PRKN: variants seen among roughly 807,000 people sequenced by gnomAD.
The protein encoded by PRKN is E3 ubiquitin-protein ligase parkin.
In PRKN, 56 loss-of-function variants were observed where a neutral mutation model predicts 59.5. The observed-to-expected ratio is 0.94, with a 90% CI of 0.76 to 1.18. PRKN has a LOEUF of 1.18. PRKN is among the 50% of genes most tolerant of loss of function. PRKN has a pLI of 0.00. For missense variants in PRKN, 657 were observed against 596.4 expected, an observed-to-expected ratio of 1.10 and a Z score of -1.06; for synonymous variants, 250 against 222.1, an observed-to-expected ratio of 1.13 and a Z score of -1.12.
At position 161,457,014 on chromosome 6, in the gene PRKN, G is replaced by C. The variant is rs942564863; in HGVS notation, c.1084-70137C>G. Among the ~76,000 whole-genome samples the C allele has an allele frequency of 6.6e-6, 1 of 152,178 alleles. No individual in the cohort carries two copies. Among genetic ancestry groups the C allele is most frequent in the South Asian group, 2.1e-4 (1 of 4,824 alleles). ...AGAGCTGAGTTCAGGACCTGGGTTT[G>C]GGCGTGGAAGGGCGGTGTGAGAGCA... On this transcript the variant is annotated intron_variant, in intron 9 of 11. Coordinates refer to ENST00000366898, the MANE Select transcript of PRKN (RefSeq NM_004562.3). This position sits in a 1 kb window ranked among gnomAD's most constrained non-coding sequence, Gnocchi z 5.0.
chr6:161,856,978 A>ACAGTGGCTCATGCCTGTAATCC (rs141779675), intron 6 of PRKN, among the ~76,000 whole-genome samples: 75,209 of 151,426 alleles, frequency 0.5, 18,950 homozygotes, highest in East Asian at 0.76. Flanking sequence ...TAGTCCTGGC[A>ACAGTGGCTCATGCCTGTAATCC]CAGTACTTTG....
intron 2 of PRKN, among the ~76,000 whole-genome samples, chr6:162,383,065 C>T (rs1016604860): frequency 1.3e-5 from 2 of 152,194 alleles, no homozygotes; most frequent in Non-Finnish European, 2.9e-5. Context: ...GCGATGACTT[C>T]CTGTGCTGAA....
chr6:162,024,933 T>C (rs1783364779), intron 5 of PRKN, among the ~76,000 whole-genome samples: 1 of 152,166 alleles, frequency 6.6e-6, no homozygotes, highest in Admixed American at 6.5e-5. Flanking sequence ...TCTTTTTTTA[T>C]ATTATGAAAC....
intron 4 of PRKN, among the ~76,000 whole-genome samples, chr6:162,054,532 T>G (rs1365118673): frequency 6.6e-6 from 1 of 152,074 alleles, no homozygotes. Context: ...TCATAATAAT[T>G]ATTACTACCA....
At chr6:162,536,721 T>TGAC (rs150565753) in intron 1 of PRKN, among the ~76,000 whole-genome samples, 2,171 of 152,294 alleles carry the variant, frequency 0.014, 56 homozygotes, top group African/African-American at 0.049. Context: ...GCTTGGTCCA[T>TGAC]GACATTCATA....
chr6:162,324,774 A>G (rs1562671378), intron 2 of PRKN, among the ~76,000 whole-genome samples: 2 of 152,178 alleles, frequency 1.3e-5, no homozygotes, highest in Admixed American at 6.5e-5. Context: ...GTGTAAGTGT[A>G]TATGTGTACA....
intron 1 of PRKN, among the ~76,000 whole-genome samples, chr6:162,503,144 T>C (rs566433463): frequency 1.4e-5 from 2 of 147,052 alleles, no homozygotes; most frequent in Non-Finnish European, 3.0e-5. Context: ...TTCTTTTTTT[T>C]TTTTTTTTTT....
chr6:162,033,366 C>G (rs1208567821), intron 5 of PRKN, among the ~76,000 whole-genome samples: 2 of 152,158 alleles, frequency 1.3e-5, no homozygotes, highest in Non-Finnish European at 2.9e-5. Flanking sequence ...GTGTTAAACC[C>G]TTAAATGTGC....
rs1228197409 is a variant in PRKN at position 161,419,927 on chromosome 6, G to A, written c.1084-33050C>T. The stretch of plus-strand genomic sequence containing the variant: ...AAGTTCCTAGCACTGCGCCTGGCAC[G>A]TAAAAGGCACTTGTTTAAGAACTTG... On this transcript the variant is annotated intron_variant, in intron 9 of 11. Coordinates refer to ENST00000366898, the MANE Select transcript of PRKN (RefSeq NM_004562.3). The surrounding 1 kb of genome is among the most constrained non-coding windows in gnomAD (Gnocchi z 4.1). 6.6e-6 allele frequency among the ~76,000 whole-genome samples: 1 copy of A among 151,924 alleles called. No individual in the cohort carries two copies. Among genetic ancestry groups the A allele is most frequent in the African/African-American group, 2.4e-5 (1 of 41,370 alleles).
rs1238707454 is a variant in PRKN at position 161,475,499 on chromosome 6, T to G, written c.1083+73355A>C. On this transcript the variant is annotated intron_variant, in intron 9 of 11. Transcript: ENST00000366898. The surrounding 1 kb of genome is among the most constrained non-coding windows in gnomAD (Gnocchi z 5.3). ...TTTTAAATGCACGGTATTGACTTGTTATTTTTATTTACATATATTTTTGAG... is the reference window on the plus strand; with the variant it reads ...TTTTAAATGCACGGTATTGACTTGTGATTTTTATTTACATATATTTTTGAG... 1.3e-5 allele frequency among the ~76,000 whole-genome samples: 2 copies of G among 152,208 alleles called. No homozygotes were observed. Among genetic ancestry groups the G allele is most frequent in the African/African-American group, 2.4e-5 (1 of 41,444 alleles).
intron 6 of PRKN, among the ~76,000 whole-genome samples, chr6:161,901,281 C>A (rs191863078): frequency 6.6e-6 from 1 of 151,972 alleles, no homozygotes; most frequent in African/African-American, 2.4e-5. Flanking sequence ...CAGTTTGGAT[C>A]GATGGCCCAA....
chr6:162,455,386 C>A (rs1790822051), intron 1 of PRKN, among the ~76,000 whole-genome samples: 1 of 152,142 alleles, frequency 6.6e-6, no homozygotes. Context: ...TTATGCAAAC[C>A]TAGATTATAT....
chr6:161,675,744 T>C (rs1785063451), intron 7 of PRKN, among the ~76,000 whole-genome samples: 1 of 152,228 alleles, frequency 6.6e-6, no homozygotes, highest in Admixed American at 6.5e-5. Flanking sequence ...CTGTAGTCTA[T>C]ATTCCTCACA....
intron 4 of PRKN, among the ~76,000 whole-genome samples, chr6:162,197,456 A>G (rs1005587041): frequency 6.6e-6 from 1 of 152,178 alleles, no homozygotes; most frequent in Non-Finnish European, 1.5e-5. Flanking sequence ...ATCCATAAGC[A>G]TATTTTTTTC....
At chr6:161,969,671 A>C (rs1038743104) in intron 6 of PRKN, among the ~76,000 whole-genome samples, 4 of 152,150 alleles carry the variant, frequency 2.6e-5, no homozygotes, top group Admixed American at 2.0e-4. Context: ...TGGAGGCTTA[A>C]TATTTTACTT....
chr6:162,302,022 G>C (rs187209308), intron 2 of PRKN, among the ~76,000 whole-genome samples: 64 of 152,116 alleles, frequency 4.2e-4, no homozygotes, highest in African/African-American at 1.4e-3. Context: ...TTCTTTTCTC[G>C]TGTCCTTGCA....
intron 1 of PRKN, among the ~76,000 whole-genome samples, chr6:162,453,383 T>G (rs1790717456): frequency 6.6e-6 from 1 of 152,184 alleles, no homozygotes; most frequent in South Asian, 2.1e-4. Context: ...ATTCTTCCAC[T>G]TTTAAAATTA....
chr6:162,230,572 T>C (rs1237231610), intron 3 of PRKN, among the ~76,000 whole-genome samples: 6 of 152,180 alleles, frequency 3.9e-5, no homozygotes, highest in Non-Finnish European at 8.8e-5. Context: ...GAACAATGTG[T>C]CCCCTAGGAC....
chr6:162,199,482 T>A (rs1784631157), intron 4 of PRKN, among the ~76,000 whole-genome samples: 1 of 152,234 alleles, frequency 6.6e-6, no homozygotes, highest in South Asian at 2.1e-4. Context: ...TTACCAAGAA[T>A]ACCAGGAAGT....
Sources: allele counts gnomAD v4.1 joint callset (sites outside exome capture counted in the v4.1 genomes callset), GRCh38; gene constraint gnomAD v4.1.1; non-coding constraint Gnocchi (gnomAD v3.1); transcripts MANE v1.5; gene names NCBI Gene and HGNC (gene_info 2026-07-23, HGNC 2026-07-21).